Variants in PTPRD observed in about 807,000 individuals in gnomAD.
PTPRD encodes receptor-type tyrosine-protein phosphatase delta.
A neutral mutation model predicts 214.5 loss-of-function variants in PTPRD; 34 were observed. The ratio of observed to expected loss-of-function variants is 0.16; its 90% CI spans 0.12 to 0.21. The LOEUF (loss-of-function observed/expected upper bound fraction) is 0.21. Among genes scored for constraint, PTPRD ranks in the 10% least tolerant of loss-of-function variants. The pLI, the probability that PTPRD is intolerant of heterozygous loss-of-function variation, is 1.00. For synonymous variants in PTPRD, 1,128 were observed against 845.7 expected (o/e 1.33, Z -5.79); for missense variants, 2,545 against 2,398.7 (o/e 1.06, Z -1.27).
intron 11 of PTPRD, among the ~76,000 whole-genome samples, chr9:8,766,559 G>A (rs190119173): frequency 5.3e-4 from 80 of 152,116 alleles, no homozygotes; most frequent in African/African-American, 1.8e-3. Context: ...ACAAATACAC[G>A]ACAATAAACA....
chr9:10,463,426 A>G (rs2131376099), intron 2 of PTPRD, among the ~76,000 whole-genome samples: 1 of 152,280 alleles, frequency 6.6e-6, no homozygotes, highest in Non-Finnish European at 1.5e-5. Context: ...AACACAGAAC[A>G]CAGAAGTAGA....
At chr9:8,380,439 A>G (rs753469828) in intron 37 of PTPRD, among the ~76,000 whole-genome samples, 1 of 152,206 alleles carries the variant, frequency 6.6e-6, no homozygotes, top group Non-Finnish European at 1.5e-5. Flanking sequence ...GTTTAGAAAC[A>G]TCACCCAGTA....
intron 3 of PTPRD, among the ~76,000 whole-genome samples, chr9:10,218,710 G>C (rs963177465): frequency 6.6e-6 from 1 of 151,752 alleles, no homozygotes. Flanking sequence ...GAAATGTCTG[G>C]TATAAAGTTC....
intron 2 of PTPRD, among the ~76,000 whole-genome samples, chr9:10,589,766 G>C (rs1343291676): frequency 6.6e-6 from 1 of 152,040 alleles, no homozygotes; most frequent in Non-Finnish European, 1.5e-5. Flanking sequence ...ATCAGGATAA[G>C]AGGAAAGCAA....
intron 35 of PTPRD, among the ~76,000 whole-genome samples, chr9:8,413,787 C>G (rs1000879305): frequency 3.3e-5 from 5 of 152,100 alleles, no homozygotes; most frequent in African/African-American, 1.2e-4. Context: ...AACAAATTAA[C>G]ACAATCTAGA....
intron 8 of PTPRD, among the ~76,000 whole-genome samples, chr9:9,439,160 G>C (rs756921478): frequency 6.6e-6 from 1 of 150,716 alleles, no homozygotes; most frequent in Non-Finnish European, 1.5e-5. Context: ...GCAGAAAACA[G>C]TTTAAAAATA....
intron 3 of PTPRD, among the ~76,000 whole-genome samples, chr9:10,238,109 G>C (rs1213581621): frequency 6.6e-6 from 1 of 151,308 alleles, no homozygotes; most frequent in East Asian, 2.0e-4. Context: ...CTTCACATGA[G>C]AGAAAGAGTT....
At chr9:9,554,363 G>A (rs1003162010) in intron 8 of PTPRD, among the ~76,000 whole-genome samples, 4 of 151,652 alleles carry the variant, frequency 2.6e-5, no homozygotes, top group Non-Finnish European at 4.4e-5. Context: ...AAAGACTGCA[G>A]TATTTACTTA....
intron 9 of PTPRD, among the ~76,000 whole-genome samples, chr9:9,247,309 C>T (rs905276203): frequency 7.2e-5 from 11 of 152,016 alleles, no homozygotes; most frequent in African/African-American, 2.7e-4. Context: ...TTAGATCATT[C>T]CATTTGTGTC....
chr9:9,538,920 T>C (rs1039852870), intron 8 of PTPRD, among the ~76,000 whole-genome samples: 8 of 151,924 alleles, frequency 5.3e-5, no homozygotes, highest in African/African-American at 1.9e-4. Flanking sequence ...TTCAATCATT[T>C]AGTAAATTAT....
rs573091181 is a variant in PTPRD, at chr9:10,435,288, G to C, written c.-599-94271C>G. On this transcript the variant is annotated intron_variant, in intron 2 of 45. Transcript: ENST00000381196. ...AAATCCATATCTTCCAGAAGGTGCT[G>C]TCTTTACAACATTGTAATAAGGTAT... Among the ~76,000 whole-genome samples, 16 of 151,988 alleles carry C rather than the reference G, an allele frequency of 1.1e-4. No individual in the cohort carries two copies. The South Asian group carries it at 2.3e-3, about 22-fold the overall frequency.
At chr9:8,910,968 G>C (rs1250919920) in intron 11 of PTPRD, among the ~76,000 whole-genome samples, 1 of 152,152 alleles carries the variant, frequency 6.6e-6, no homozygotes, top group Non-Finnish European at 1.5e-5. Flanking sequence ...TTAATGGAGA[G>C]ACATTCCATA....
intron 9 of PTPRD, among the ~76,000 whole-genome samples, chr9:9,206,038 A>G (rs908674387): frequency 6.6e-6 from 1 of 152,232 alleles, no homozygotes; most frequent in Admixed American, 6.5e-5. Flanking sequence ...AGCACAGAGA[A>G]GAAAATGAGG....
chr9:8,712,237 A>G (rs905381455), intron 12 of PTPRD, among the ~76,000 whole-genome samples: 1 of 152,224 alleles, frequency 6.6e-6, no homozygotes, highest in Non-Finnish European at 1.5e-5. Context: ...TTTGGTAAAC[A>G]GTCTTTTGGC....
At chr9:9,508,827 T>C (rs2096631364) in intron 8 of PTPRD, among the ~76,000 whole-genome samples, 1 of 151,618 alleles carries the variant, frequency 6.6e-6, no homozygotes, top group Non-Finnish European at 1.5e-5. Context: ...ATTTAACCAC[T>C]TTTGTGAAAT....
At chr9:9,365,684 A>G (rs904152551) in intron 9 of PTPRD, among the ~76,000 whole-genome samples, 1 of 151,460 alleles carries the variant, frequency 6.6e-6, no homozygotes, top group East Asian at 1.9e-4. Context: ...AATGGGCTTA[A>G]ATAGACAGGT....
chr9:9,161,220 A>G (rs747392966), intron 10 of PTPRD, among the ~76,000 whole-genome samples: 4 of 152,154 alleles, frequency 2.6e-5, no homozygotes, highest in Non-Finnish European at 5.9e-5. Context: ...TGATAAGTGG[A>G]GGTGATAGGT....
chr9:10,349,431 G>A (rs574731065), intron 2 of PTPRD, among the ~76,000 whole-genome samples: 1 of 152,114 alleles, frequency 6.6e-6, no homozygotes, highest in South Asian at 2.1e-4. Flanking sequence ...TAACATTGTG[G>A]CCTATGTTCC....
At position 8,344,152 on chromosome 9, in the gene PTPRD, C is replaced by T. The variant is rs146071173; in HGVS notation, c.4662-2174G>A. Among the ~76,000 whole-genome samples, 871 of 152,178 alleles carry T rather than the reference C, an allele frequency of 5.7e-3. 5 individuals are homozygous for T. The highest frequency in any genetic ancestry group is 0.027 in the Middle Eastern group (8 of 294). ...TCCTGAGACTCCAAGTAACATCTTT[C>T]GTTCTTTCTGTGTTGTCTTTCTAAA... On this transcript the variant is annotated intron_variant, in intron 39 of 45. Transcript: ENST00000381196.
Sources: allele counts gnomAD v4.1 joint callset (sites outside exome capture counted in the v4.1 genomes callset), GRCh38; gene constraint gnomAD v4.1.1; transcripts MANE v1.5; gene names NCBI Gene and HGNC (gene_info 2026-07-23, HGNC 2026-07-21).